Variants in FGF12 observed in about 807,000 individuals in gnomAD.
The protein encoded by FGF12 is fibroblast growth factor 12B.
In FGF12, 14 loss-of-function variants were observed where a neutral mutation model predicts 23.6. That is an observed-to-expected ratio of 0.59 (90% confidence interval 0.39 to 0.93). The LOEUF (loss-of-function observed/expected upper bound fraction) is 0.93. Among genes scored for constraint, FGF12 ranks in the 40% least tolerant of loss-of-function variants. The pLI, the probability that FGF12 is intolerant of heterozygous loss-of-function variation, is 0.00. For missense variants in FGF12, 175 were observed against 217.8 expected, an observed-to-expected ratio of 0.80 and a Z score of 1.24; for synonymous variants, 62 against 77.3, an observed-to-expected ratio of 0.80 and a Z score of 1.04.
At chr3:192,478,300 G>A (rs1465386891) in intron 2 of FGF12, among the ~76,000 whole-genome samples, 3 of 152,020 alleles carry the variant, frequency 2.0e-5, no homozygotes, top group Non-Finnish European at 4.4e-5. Flanking sequence ...ATTAATGTGG[G>A]TTAAGTAATT....
chr3:192,676,133 T>C (rs921107677), intron 2 of FGF12, among the ~76,000 whole-genome samples: 2 of 152,150 alleles, frequency 1.3e-5, no homozygotes, highest in African/African-American at 4.8e-5. Context: ...CATTTAGCAT[T>C]AAGTTAAAAT....
At position 192,727,480 on chromosome 3, in the gene FGF12, T is replaced by G; in HGVS notation, c.-131+4A>C. 1 of 724,426 alleles carries G rather than the reference T, an allele frequency of 1.4e-6. No homozygotes were observed. Among genetic ancestry groups the G allele is most frequent in the South Asian group, 2.0e-5 (1 of 50,664 alleles). 44.9% of individuals were successfully genotyped at this position (724,426 alleles called of 1,614,324 possible). A position where few individuals can be genotyped will look rare whatever the true frequency, so the allele number is the denominator to read the frequency against. On this transcript the variant is annotated splice_donor_region_variant and intron_variant, in intron 1 of 5. Transcript: ENST00000445105. The stretch of plus-strand genomic sequence containing the variant: ...CGCTCAGATTTTTTTTTTTTTTTTT[T>G]TACCTGGGTCTGGAAGCTGCAGGCA...
intron 2 of FGF12, among the ~76,000 whole-genome samples, chr3:192,705,942 G>T (rs926218511): frequency 7.9e-5 from 12 of 152,138 alleles, no homozygotes; most frequent in Non-Finnish European, 5.9e-5. Flanking sequence ...TTGGTTAAAT[G>T]AAGGAAAACA....
chr3:192,456,505 A>C (rs1216221999), intron 2 of FGF12, among the ~76,000 whole-genome samples: 7 of 152,244 alleles, frequency 4.6e-5, no homozygotes, highest in Non-Finnish European at 7.3e-5. Flanking sequence ...AAAAAAATTG[A>C]TGAATACATT....
chr3:192,397,282 G>T (rs1295801850), intron 2 of FGF12, among the ~76,000 whole-genome samples: 4 of 152,214 alleles, frequency 2.6e-5, no homozygotes, highest in Non-Finnish European at 5.9e-5. Context: ...CCCAGGGATT[G>T]TCAGGGAAAG....
At chr3:192,317,547 G>A (rs1716293815) in intron 4 of FGF12, among the ~76,000 whole-genome samples, 1 of 151,994 alleles carries the variant, frequency 6.6e-6, no homozygotes, top group Admixed American at 6.6e-5. Flanking sequence ...TTGCAGCTTG[G>A]GTGCTAGCTC....
intron 2 of FGF12, among the ~76,000 whole-genome samples, chr3:192,610,487 C>T (rs1394218381): frequency 2.6e-5 from 4 of 152,000 alleles, no homozygotes; most frequent in Admixed American, 6.6e-5. Flanking sequence ...GTTTATCTCC[C>T]GTTGTTAACA....
chr3:192,220,404 C>T (rs989911077), intron 4 of FGF12, among the ~76,000 whole-genome samples: 2 of 152,152 alleles, frequency 1.3e-5, no homozygotes, highest in Admixed American at 1.3e-4. Context: ...CTTTATGTTT[C>T]AACTTATGCT....
intron 5 of FGF12, among the ~76,000 whole-genome samples, chr3:192,158,406 T>TTC (rs1168845798): frequency 0.014 from 137 of 9,574 alleles, 2 homozygotes; most frequent in African/African-American, 0.12. Flanking sequence ...TCTTTCTTTT[T>TTC]CTTTCTTTCT....
chr3:192,240,456 C>T (rs1456654944), intron 4 of FGF12, among the ~76,000 whole-genome samples: 2 of 151,990 alleles, frequency 1.3e-5, no homozygotes, highest in African/African-American at 4.8e-5. Context: ...TGTTTATCTG[C>T]TACAATAAGA....
intron 2 of FGF12, among the ~76,000 whole-genome samples, chr3:192,679,937 C>T (rs181050311): frequency 1.4e-3 from 210 of 152,250 alleles, no homozygotes; most frequent in Admixed American, 2.5e-3. Context: ...CTCTTCTACT[C>T]CCTGACACCA....
At chr3:192,513,871 T>G (rs1356384797) in intron 2 of FGF12, among the ~76,000 whole-genome samples, 1 of 152,174 alleles carries the variant, frequency 6.6e-6, no homozygotes, top group Non-Finnish European at 1.5e-5. Context: ...TAAAGATAAC[T>G]TATACAAACC....
At chr3:192,550,014 C>T (rs891667365) in intron 2 of FGF12, among the ~76,000 whole-genome samples, 20 of 151,876 alleles carry the variant, frequency 1.3e-4, no homozygotes, top group Admixed American at 5.3e-4. Context: ...CTCCCTCTGT[C>T]TCTCTCTGTC....
intron 2 of FGF12, among the ~76,000 whole-genome samples, chr3:192,562,481 A>T (rs1273066725): frequency 6.6e-6 from 1 of 152,220 alleles, no homozygotes; most frequent in African/African-American, 2.4e-5. Context: ...GGATTTCTTC[A>T]GTAAAGTTCA....
intron 4 of FGF12, among the ~76,000 whole-genome samples, chr3:192,174,939 T>A (rs1174472902): frequency 6.6e-6 from 1 of 152,206 alleles, no homozygotes; most frequent in Non-Finnish European, 1.5e-5. Flanking sequence ...ACTTTTCACA[T>A]AGCAGGAAAA....
chr3:192,300,548 G>A (rs1577332740), intron 4 of FGF12, among the ~76,000 whole-genome samples: 2 of 151,858 alleles, frequency 1.3e-5, no homozygotes, highest in Admixed American at 6.6e-5. Flanking sequence ...CTTTCTTGGG[G>A]GCGGTCATGA....
intron 5 of FGF12, among the ~76,000 whole-genome samples, chr3:192,145,123 G>T (rs1253283756): frequency 5.9e-5 from 9 of 152,050 alleles, no homozygotes; most frequent in African/African-American, 2.2e-4. Context: ...ATGCTACCCG[G>T]ATCCACACCC....
intron 4 of FGF12, among the ~76,000 whole-genome samples, chr3:192,185,851 T>C (rs1323939268): frequency 6.7e-6 from 1 of 148,990 alleles, no homozygotes; most frequent in Non-Finnish European, 1.5e-5. Flanking sequence ...AGAGCGAGGC[T>C]CCGTCTAAAA....
chr3:192,591,440 T>C (rs868592824), intron 2 of FGF12, among the ~76,000 whole-genome samples: 10 of 151,750 alleles, frequency 6.6e-5, no homozygotes, highest in Non-Finnish European at 1.3e-4. Flanking sequence ...TTATTGTTTT[T>C]CCTAAAGGAC....
Sources: gnomAD v4.1 joint callset for allele counts (sites outside exome capture counted in the v4.1 genomes callset) on GRCh38, gnomAD v4.1.1 for gene constraint, MANE v1.5 for transcripts, NCBI Gene and HGNC (gene_info 2026-07-23, HGNC 2026-07-21) for gene names.